The following ELMO1 variants were observed in gnomAD, a reference collection of about 807,000 sequenced individuals.
The protein encoded by ELMO1 is engulfment and cell motility protein 1.
A neutral mutation model predicts 98.9 loss-of-function variants in ELMO1; 26 were observed. The ratio of observed to expected loss-of-function variants is 0.26; its 90% CI spans 0.19 to 0.36. The LOEUF (loss-of-function observed/expected upper bound fraction) is 0.36. Ranked by LOEUF, ELMO1 falls within the 10% of genes least tolerant of loss-of-function variation. ELMO1 has a pLI of 1.00. For missense variants in ELMO1, 627 were observed against 935.2 expected (o/e 0.67, Z 4.30); for synonymous variants, 346 against 346.0 (o/e 1.00, Z 0.00).
At chr7:36,995,303 A>T (rs770566697) in intron 16 of ELMO1, among the ~76,000 whole-genome samples, 1 of 152,106 alleles carries the variant, frequency 6.6e-6, no homozygotes, top group Non-Finnish European at 1.5e-5. Context: ...AGGTCAGGAG[A>T]TCAAGACCAT....
At chr7:36,868,135 GT>G (rs1803177705) in intron 20 of ELMO1, among the ~76,000 whole-genome samples, 1 of 152,076 alleles carries the variant, frequency 6.6e-6, no homozygotes, top group South Asian at 2.1e-4. Flanking sequence ...TAATGAATTT[GT>G]TTATTTCTCC....
intron 16 of ELMO1, among the ~76,000 whole-genome samples, chr7:37,003,063 GCCTGATCA>G (rs1792795111): frequency 6.6e-6 from 1 of 152,150 alleles, no homozygotes; most frequent in African/African-American, 2.4e-5. Flanking sequence ...TACACAGTTG[GCCTGATCA>G]TCTATTATTT....
At chr7:37,304,777 A>C (rs1798523164) in intron 4 of ELMO1, among the ~76,000 whole-genome samples, 2 of 152,204 alleles carry the variant, frequency 1.3e-5, no homozygotes. Flanking sequence ...TGTTGCAAGC[A>C]AACTAGATGG....
chr7:37,341,429 C>T (rs981678233), intron 2 of ELMO1, among the ~76,000 whole-genome samples: 1 of 152,160 alleles, frequency 6.6e-6, no homozygotes, highest in Non-Finnish European at 1.5e-5. Context: ...CAAATATATC[C>T]GAAACTATTA....
intron 1 of ELMO1, among the ~76,000 whole-genome samples, chr7:37,410,137 G>A (rs11768985): frequency 0.31 from 46,745 of 151,998 alleles, 7,627 homozygotes; most frequent in East Asian, 0.44. Context: ...TGCTGTAATT[G>A]CTCTAGCTCA....
At chr7:37,402,119 A>G (rs375762840) in intron 1 of ELMO1, among the ~76,000 whole-genome samples, 24 of 152,262 alleles carry the variant, frequency 1.6e-4, no homozygotes, top group African/African-American at 5.8e-4. Flanking sequence ...TCTATTGTCA[A>G]TCTGTCTTTT....
intron 13 of ELMO1, among the ~76,000 whole-genome samples, chr7:37,142,251 A>T (rs1787690384): frequency 6.6e-6 from 1 of 152,284 alleles, no homozygotes; most frequent in South Asian, 2.1e-4. Flanking sequence ...TTAGTTATTT[A>T]GTAAAGAATA....
chr7:37,328,883 ACT>A (rs1217139922), intron 2 of ELMO1, among the ~76,000 whole-genome samples: 1 of 151,474 alleles, frequency 6.6e-6, no homozygotes, highest in Non-Finnish European at 1.5e-5. Flanking sequence ...TTACCCCAAA[ACT>A]CTCTTTCCCA....
chr7:37,337,301 T>C (rs1389210651), intron 2 of ELMO1, among the ~76,000 whole-genome samples: 1 of 151,944 alleles, frequency 6.6e-6, no homozygotes, highest in Admixed American at 6.6e-5. Context: ...CTGCATGTTC[T>C]CACTCATAGG....
chr7:36,955,931 T>C (rs1584431254), intron 16 of ELMO1, among the ~76,000 whole-genome samples: 3 of 152,184 alleles, frequency 2.0e-5, no homozygotes, highest in Non-Finnish European at 2.9e-5. Flanking sequence ...ACTTCTCTTT[T>C]TCAGTATAAT....
Position 37,409,122 on chromosome 7 carries a change from T to A in ELMO1, c.-74+39553A>T, listed in dbSNP as rs1259493537. On this transcript the variant is annotated intron_variant, in intron 1 of 21. Transcript: ENST00000310758. ...ATCCGGAAGCTGACACACAGCAGAG[T>A]TTTGCAAGTGAAAAAAAAAAAAAAG... is the stretch of plus-strand genomic sequence containing the variant. Among the ~76,000 whole-genome samples the A allele has an allele frequency of 1.0e-4, 14 of 136,790 alleles. No homozygotes were observed. The East Asian group carries it at 2.2e-3, about 22-fold the overall frequency. The allele number at this position is 136,790 out of a possible 152,430, so 89.7% of individuals were successfully genotyped here.
chr7:37,036,117 G>T lies in ELMO1; in HGVS notation c.1301-22682C>A, dbSNP rs1264866657. Reference sequence around the variant, plus strand: ...ATCTACATATGTTTCATGCATCATGGCATACCTAATTTTTTGGATATTTCT... The same window carrying T: ...ATCTACATATGTTTCATGCATCATGTCATACCTAATTTTTTGGATATTTCT... On this transcript the variant is annotated intron_variant, in intron 15 of 21. Transcript: ENST00000310758. Among the ~76,000 whole-genome samples, 6 of 151,972 alleles carry T rather than the reference G, an allele frequency of 3.9e-5. No individual in the cohort carries two copies. The South Asian group carries it at 1.2e-3, about 32-fold the overall frequency.
At chr7:37,078,068 T>G (rs1797677045) in intron 15 of ELMO1, among the ~76,000 whole-genome samples, 1 of 152,226 alleles carries the variant, frequency 6.6e-6, no homozygotes, top group African/African-American at 2.4e-5. Flanking sequence ...GCAGCCACAG[T>G]GCTGCAGGCC....
At chr7:37,165,601 G>A (rs1177934787) in intron 13 of ELMO1, among the ~76,000 whole-genome samples, 1 of 152,116 alleles carries the variant, frequency 6.6e-6, no homozygotes, top group East Asian at 1.9e-4. Flanking sequence ...TAATCATGTG[G>A]TTTTTGTCTT....
chr7:37,083,411 G>A (rs894218601), intron 15 of ELMO1, among the ~76,000 whole-genome samples: 6 of 151,962 alleles, frequency 3.9e-5, no homozygotes, highest in African/African-American at 1.5e-4. Flanking sequence ...AGTTATACAA[G>A]ACAGAAGAGC....
intron 16 of ELMO1, among the ~76,000 whole-genome samples, chr7:36,994,838 G>C (rs374757552): frequency 1.3e-5 from 2 of 152,336 alleles, no homozygotes; most frequent in Admixed American, 1.3e-4. Context: ...AAGGGCTTTT[G>C]ATCTCAGTAC....
At chr7:37,309,866 G>A (rs1798806933) in intron 4 of ELMO1, among the ~76,000 whole-genome samples, 1 of 152,178 alleles carries the variant, frequency 6.6e-6, no homozygotes, top group South Asian at 2.1e-4. Flanking sequence ...TTACCTCTAA[G>A]CTTCAATCCT....
At chr7:37,100,884 C>T (rs1784601228) in intron 14 of ELMO1, among the ~76,000 whole-genome samples, 1 of 152,212 alleles carries the variant, frequency 6.6e-6, no homozygotes, top group Non-Finnish European at 1.5e-5. Flanking sequence ...GATGAACTTG[C>T]ATGAGGCACT....
chr7:37,055,295 T>C (rs1435060730), intron 15 of ELMO1, among the ~76,000 whole-genome samples: 2 of 152,208 alleles, frequency 1.3e-5, no homozygotes, highest in African/African-American at 4.8e-5. Flanking sequence ...TTTGGGTGAA[T>C]GCCATCTCTA....
Sources: gnomAD v4.1 joint callset for allele counts (sites outside exome capture counted in the v4.1 genomes callset) on GRCh38, gnomAD v4.1.1 for gene constraint, MANE v1.5 for transcripts, NCBI Gene and HGNC (gene_info 2026-07-23, HGNC 2026-07-21) for gene names.